Variants in KICS2 observed in about 807,000 individuals in gnomAD.
The protein encoded by KICS2 is KICSTOR subunit 2.
A neutral mutation model predicts 31.4 loss-of-function variants in KICS2; 13 were observed. The ratio of observed to expected loss-of-function variants is 0.41; its 90% CI spans 0.27 to 0.66. The LOEUF is 0.66. KICS2 is among the 30% of genes least tolerant of loss of function. KICS2 has a pLI of 0.28. For missense variants in KICS2, 455 were observed against 545.4 expected (o/e 0.83, Z 1.65); for synonymous variants, 209 against 214.8 (o/e 0.97, Z 0.24).
At chr12:64,209,541 C>T (rs572984259) in intron 2 of KICS2, among the ~76,000 whole-genome samples, 1 of 152,010 alleles carries the variant, frequency 6.6e-6, no homozygotes, top group Non-Finnish European at 1.5e-5. Flanking sequence ...GCCGAGATTG[C>T]GCCACTGCAC....
chr12:64,205,252 T>G (rs2037526047), intron 2 of KICS2, among the ~76,000 whole-genome samples: 1 of 152,194 alleles, frequency 6.6e-6, no homozygotes, highest in African/African-American at 2.4e-5. Context: ...CAGAAAGAAC[T>G]CCGAACAAGC....
rs1427548382 is a variant in KICS2 at position 64,191,440 on chromosome 12, T to G, written c.*2402A>C. ...GAGGACTGGTTATTTAAATAACATA[T>G]ATATGCTTTACTTACACCTCTCTCG... On this transcript the variant is annotated 3_prime_UTR_variant, in exon 3 of 3. Transcript: ENST00000398055. The G allele has an allele frequency of 6.6e-6, 1 of 152,232 alleles. No individual in the cohort carries two copies. Among genetic ancestry groups the G allele is most frequent in the Non-Finnish European group, 1.5e-5 (1 of 68,042 alleles). 9.4% of individuals were successfully genotyped at this position (152,232 alleles called of 1,614,324 possible).
intron 2 of KICS2, among the ~76,000 whole-genome samples, chr12:64,205,651 AAGGG>A (rs1191598874): frequency 1.6e-4 from 22 of 138,234 alleles, no homozygotes; most frequent in African/African-American, 1.8e-4. Flanking sequence ...GGAATGAAGG[AAGGG>A]AGGGAGGGAG....
rs371620769 is a variant in KICS2, at chr12:64,193,548, C to A, written c.*294G>T. Reference sequence around the variant, plus strand: ...AAAAACATATGGGAAAAAAAAAAGCCCAATAAATATTCAATCTACAAGAAA... The same window carrying A: ...AAAAACATATGGGAAAAAAAAAAGCACAATAAATATTCAATCTACAAGAAA... On this transcript the variant is annotated 3_prime_UTR_variant, in exon 3 of 3. Coordinates refer to ENST00000398055, the MANE Select transcript of KICS2 (RefSeq NM_152440.5). 465 of 1,121,578 alleles carry A rather than the reference C, an allele frequency of 4.1e-4. 1 individual carries two copies. The African/African-American group carries it at 4.5e-3, about 11-fold the overall frequency. 69.5% of individuals were successfully genotyped at this position (1,121,578 alleles called of 1,614,324 possible).
At position 64,222,184 on chromosome 12, in the gene KICS2, C is replaced by T; in HGVS notation, c.54G>A (p.Leu18=). 17 of 1,614,100 alleles carry T rather than the reference C, an allele frequency of 1.1e-5. No homozygotes were observed. Among genetic ancestry groups the T allele is most frequent in the Middle Eastern group, 1.6e-4 (1 of 6,062 alleles). The change falls in exon 1 of 3, where the codon CTG becomes CTA. Residue 18 remains leucine (L), a synonymous_variant. Transcript: ENST00000398055. ...TACCCAGGTGAGAGAAGAACGTCTC[C>T]AGCACCGCCTGTTCCACCGGGACCG... The part of the protein sequence containing the change: ...AAPVPVEQAV[L]ETFFSHLGIF...
intron 2 of KICS2, among the ~76,000 whole-genome samples, chr12:64,196,541 G>A (rs939074078): frequency 1.6e-4 from 24 of 151,826 alleles, no homozygotes; most frequent in Non-Finnish European, 2.4e-4. Context: ...AACGCAGAGC[G>A]TCTCTCCTCC....
intron 1 of KICS2, 133 bp downstream of exon 1, chr12:64,221,870 G>A (rs1336064601): frequency 2.0e-6 from 2 of 991,282 alleles, no homozygotes; most frequent in African/African-American, 1.6e-5. Context: ...AACGGTGGGA[G>A]GAGATCTGGG....
intron 2 of KICS2, among the ~76,000 whole-genome samples, chr12:64,213,028 T>C (rs527825601): frequency 5.6e-4 from 84 of 148,890 alleles, no homozygotes; most frequent in Admixed American, 1.6e-3. Context: ...AGGTAGAGGT[T>C]GCAGTTTGCT....
chr12:64,211,905 A>G lies in KICS2; in HGVS notation c.521+3773T>C, dbSNP rs549455046. ...TACAACGGCAGAAAATCAGTGTTAG[A>G]TTTCCTGAATGTAAAAACTGTTTTT... On this transcript the variant is annotated intron_variant, in intron 2 of 2. Coordinates refer to ENST00000398055, the MANE Select transcript of KICS2 (RefSeq NM_152440.5). Among the ~76,000 whole-genome samples, 6 of 152,328 alleles carry G rather than the reference A, an allele frequency of 3.9e-5. No individual in the cohort carries two copies. In the South Asian group the frequency reaches 1.2e-3, roughly 32 times the overall value.
chr12:64,215,884 C>A lies in KICS2; in HGVS notation c.315G>T (p.Val105=), dbSNP rs1364028200. The change falls in exon 2 of 3, where the codon GTG becomes GTT. Residue 105 remains valine (V), a synonymous_variant. Transcript: ENST00000398055. The part of the protein sequence containing the change: ...TSLHNELKKV[V]TGRGALGGTA... Reference sequence around the variant, plus strand: ...TCCCACCCAGGGCACCACGGCCAGTCACCACCTTCTTCAGCTCATTATGCA... The same window carrying A: ...TCCCACCCAGGGCACCACGGCCAGTAACCACCTTCTTCAGCTCATTATGCA... The A allele has an allele frequency of 1.2e-6, 2 of 1,613,880 alleles. No individual in the cohort carries two copies. The highest frequency in any genetic ancestry group is 1.7e-6 in the Non-Finnish European group (2 of 1,179,928).
At chr12:64,195,394 A>G (rs1251608889) in intron 2 of KICS2, among the ~76,000 whole-genome samples, 1 of 152,064 alleles carries the variant, frequency 6.6e-6, no homozygotes, top group African/African-American at 2.4e-5. Flanking sequence ...AACTCATTTA[A>G]TGTTCACAGT....
At chr12:64,219,254 CA>C (rs2037656709) in intron 1 of KICS2, among the ~76,000 whole-genome samples, 2 of 152,144 alleles carry the variant, frequency 1.3e-5, no homozygotes, top group African/African-American at 4.8e-5. Context: ...TAAATTTCAG[CA>C]ACCCAAGGTT....
intron 2 of KICS2, among the ~76,000 whole-genome samples, chr12:64,212,915 C>G (rs1194779723): frequency 1.3e-5 from 2 of 151,856 alleles, no homozygotes; most frequent in Non-Finnish European, 2.9e-5. Context: ...CATGGAGAAA[C>G]CCTGTCTCTA....
chr12:64,210,251 A>C (rs2037571421), intron 2 of KICS2, among the ~76,000 whole-genome samples: 1 of 152,202 alleles, frequency 6.6e-6, no homozygotes, highest in Non-Finnish European at 1.5e-5. Context: ...AATTAGAGAA[A>C]GGCAGCATGG....
In KICS2 at chr12:64,193,849, T is replaced by C. The variant is rs1592378075; in HGVS notation, c.1331A>G (p.Lys444Arg). 3.1e-6 allele frequency: 5 copies of C among 1,612,112 alleles called. No homozygotes were observed. In the South Asian group the frequency reaches 5.5e-5, roughly 18 times the overall value. Residue 444 changes from lysine (K) to arginine (R), a missense_variant, in exon 3 of 3, where the codon AAA (lysine) becomes AGA (arginine). Physicochemically the swap from Lys to Arg is conservative, Grantham distance 26. Coordinates refer to ENST00000398055, the MANE Select transcript of KICS2 (RefSeq NM_152440.5). ...CTCCACGCAAATCACCTGCTAACCT[T>C]TGGCTCCAGGTTTCAGACTTGCAAA... ...KVFASLKPGA[K>R]G
chr12:64,195,342 A>G (rs1157892628), intron 2 of KICS2, among the ~76,000 whole-genome samples: 2 of 152,248 alleles, frequency 1.3e-5, no homozygotes, highest in Non-Finnish European at 2.9e-5. Context: ...AAAACAAAAA[A>G]AGTCACTAAA....
intron 1 of KICS2, among the ~76,000 whole-genome samples, chr12:64,217,033 T>C (rs537040634): frequency 3.6e-4 from 55 of 152,342 alleles, no homozygotes; most frequent in African/African-American, 1.2e-3. Context: ...GGAATAAAAA[T>C]GTATCAAGGC....
At chr12:64,209,743 C>A (rs1055428521) in intron 2 of KICS2, among the ~76,000 whole-genome samples, 1 of 152,210 alleles carries the variant, frequency 6.6e-6, no homozygotes, top group Non-Finnish European at 1.5e-5. Context: ...ACAGGACTTA[C>A]ATGTGAAATC....
intron 2 of KICS2, among the ~76,000 whole-genome samples, chr12:64,199,531 G>C (rs2037469785): frequency 7.6e-6 from 1 of 131,148 alleles, no homozygotes; most frequent in Admixed American, 7.9e-5. Context: ...CATTCCCTTT[G>C]AAAACTGGCA....
Sources: allele counts gnomAD v4.1 joint callset (sites outside exome capture counted in the v4.1 genomes callset), GRCh38; gene constraint gnomAD v4.1.1; transcripts MANE v1.5; gene names NCBI Gene and HGNC (gene_info 2026-07-23, HGNC 2026-07-21).